The following NBEA variants were observed in gnomAD, a reference collection of about 807,000 sequenced individuals.
NBEA encodes the protein neurobeachin, also known as lysosomal-trafficking regulator 2.
NBEA carries 44 observed loss-of-function variants against 343.4 expected under a neutral mutation model. That is an observed-to-expected ratio of 0.13 (90% CI 0.10 to 0.16). NBEA has a LOEUF of 0.16. Ranked by LOEUF, NBEA falls within the 10% of genes least tolerant of loss-of-function variation. The probability of loss-of-function intolerance (pLI) is 1.00; values close to 1 mark genes in which losing one functional copy is unlikely to be tolerated. For synonymous variants in NBEA, 1,175 were observed against 1,238.7 expected, an observed-to-expected ratio of 0.95 and a Z score of 1.08; for missense variants, 2,555 against 3,631.3, an observed-to-expected ratio of 0.70 and a Z score of 7.62.
chr13:35,083,553 A>T (rs2064546435), intron 10 of NBEA, among the ~76,000 whole-genome samples: 1 of 152,138 alleles, frequency 6.6e-6, no homozygotes, highest in Non-Finnish European at 1.5e-5. Context: ...CAGACAAGCA[A>T]ATGCTGAGAG....
At chr13:35,004,660 G>A (rs755921011) in intron 1 of NBEA, among the ~76,000 whole-genome samples, 2 of 152,032 alleles carry the variant, frequency 1.3e-5, no homozygotes, top group Non-Finnish European at 2.9e-5. Context: ...GCATTTATTC[G>A]ATCTGTGCAT....
chr13:35,587,193 T>A (rs528144011), intron 46 of NBEA, among the ~76,000 whole-genome samples: 1 of 151,928 alleles, frequency 6.6e-6, no homozygotes, highest in African/African-American at 2.4e-5. Flanking sequence ...AAAAAAAAAG[T>A]CACTGGAGTT....
intron 44 of NBEA, among the ~76,000 whole-genome samples, chr13:35,565,969 C>T (rs1335761474): frequency 1.3e-5 from 2 of 152,210 alleles, no homozygotes; most frequent in Non-Finnish European, 2.9e-5. Context: ...CAGAGTACTT[C>T]TGTCCACTCG....
intron 38 of NBEA, among the ~76,000 whole-genome samples, chr13:35,426,214 C>T (rs2044662438): frequency 6.6e-6 from 1 of 152,096 alleles, no homozygotes. Flanking sequence ...CTATTTTGCT[C>T]GTTAGTTGAT....
chr13:35,264,482 G>T (rs2033490882), intron 34 of NBEA, among the ~76,000 whole-genome samples: 1 of 151,896 alleles, frequency 6.6e-6, no homozygotes, highest in Non-Finnish European at 1.5e-5. Flanking sequence ...GATGGACATG[G>T]ATGCAAAAAT....
chr13:35,440,560 G>A (rs751564266), intron 39 of NBEA, among the ~76,000 whole-genome samples: 1 of 152,074 alleles, frequency 6.6e-6, no homozygotes, highest in Non-Finnish European at 1.5e-5. Context: ...GTGGCATTGT[G>A]GAAAAAGGGA....
intron 1 of NBEA, among the ~76,000 whole-genome samples, chr13:35,019,305 T>G (rs1348193894): frequency 1.4e-5 from 2 of 146,294 alleles, no homozygotes; most frequent in East Asian, 2.0e-4. Flanking sequence ...TTGTTTTTTG[T>G]TTTTTTTTTT....
At chr13:34,966,851 A>T (rs1566100359) in intron 1 of NBEA, among the ~76,000 whole-genome samples, 1 of 151,778 alleles carries the variant, frequency 6.6e-6, no homozygotes, top group Non-Finnish European at 1.5e-5. Flanking sequence ...TCCACAGATG[A>T]GGTTTGCATA....
intron 1 of NBEA, among the ~76,000 whole-genome samples, chr13:35,024,696 A>C (rs1030751553): frequency 2.6e-5 from 4 of 152,176 alleles, no homozygotes; most frequent in East Asian, 1.9e-4. Flanking sequence ...AATAAAATAA[A>C]ATAACATAAA....
intron 10 of NBEA, among the ~76,000 whole-genome samples, chr13:35,091,995 G>A (rs2065105430): frequency 6.6e-6 from 1 of 151,972 alleles, no homozygotes; most frequent in Non-Finnish European, 1.5e-5. Context: ...AATAAAGTTG[G>A]AAGAATTATA....
chr13:35,640,869 C>G lies in NBEA; in HGVS notation c.7618-5000C>G, dbSNP rs143491010. 7.2e-5 allele frequency among the ~76,000 whole-genome samples: 11 copies of G among 151,852 alleles called. No individual in the cohort carries two copies. In the East Asian group the frequency reaches 2.1e-3, roughly 30 times the overall value. On this transcript the variant is annotated intron_variant, in intron 49 of 58. Coordinates refer to ENST00000379939, the MANE Select transcript of NBEA (RefSeq NM_001385012.1). ...ATCTTTACTTCTCTGCCTATACCTA[C>G]AAAATTCCATGTTTTAGAACTTCCT...
At chr13:35,140,380 G>A (rs1266066544) in intron 17 of NBEA, among the ~76,000 whole-genome samples, 8 of 152,122 alleles carry the variant, frequency 5.3e-5, no homozygotes, top group Non-Finnish European at 8.8e-5. Context: ...CAAGGCCAAT[G>A]CTTTGTCATT....
intron 33 of NBEA, among the ~76,000 whole-genome samples, chr13:35,231,109 T>C (rs1345368584): frequency 6.6e-6 from 1 of 152,118 alleles, no homozygotes; most frequent in Non-Finnish European, 1.5e-5. Flanking sequence ...TTTCTAAATA[T>C]ATGTGGCAGT....
chr13:35,472,606 G>T (rs915849048), intron 41 of NBEA, 70 bp downstream of exon 41: 1 of 1,566,774 alleles, frequency 6.4e-7, no homozygotes, highest in Non-Finnish European at 8.8e-7. Context: ...ATTTTGTTTG[G>T]TTTTACCTGA....
At chr13:35,514,867 G>T (rs768182478) in intron 41 of NBEA, among the ~76,000 whole-genome samples, 4 of 152,144 alleles carry the variant, frequency 2.6e-5, no homozygotes, top group Non-Finnish European at 5.9e-5. Context: ...ATTTACAAGA[G>T]CTCTTGTTCT....
At chr13:35,254,504 T>A (rs2032356010) in intron 34 of NBEA, among the ~76,000 whole-genome samples, 1 of 151,870 alleles carries the variant, frequency 6.6e-6, no homozygotes, top group Admixed American at 6.6e-5. Context: ...AAATTTTTTG[T>A]GGAGATGGGG....
intron 38 of NBEA, among the ~76,000 whole-genome samples, chr13:35,409,009 G>A (rs1363660051): frequency 1.3e-5 from 2 of 152,086 alleles, no homozygotes; most frequent in Non-Finnish European, 2.9e-5. Context: ...ATACCCAAAG[G>A]AAATAAATCA....
At chr13:35,559,507 C>T (rs545414112) in intron 44 of NBEA, among the ~76,000 whole-genome samples, 5 of 152,178 alleles carry the variant, frequency 3.3e-5, no homozygotes, top group African/African-American at 1.2e-4. Context: ...TAATCTAAAG[C>T]CAAGACATGG....
chr13:35,060,911 T>C (rs1042141888), intron 8 of NBEA, among the ~76,000 whole-genome samples: 16 of 151,768 alleles, frequency 1.1e-4, no homozygotes, highest in African/African-American at 3.9e-4. Context: ...AGTGGACATT[T>C]GGATAAATCA....
Sources: allele counts gnomAD v4.1 joint callset (sites outside exome capture counted in the v4.1 genomes callset), GRCh38; gene constraint gnomAD v4.1.1; transcripts MANE v1.5; gene names NCBI Gene and HGNC (gene_info 2026-07-23, HGNC 2026-07-21).